Variants in ECE1 observed in about 807,000 individuals in gnomAD.
ECE1 encodes endothelin converting enzyme 1, also known as endothelin-converting enzyme 1.
Under a neutral mutation model 98.6 loss-of-function variants are expected in ECE1, and 35 were observed. The ratio of observed to expected loss-of-function variants is 0.35; its 90% CI spans 0.27 to 0.47. ECE1 has a LOEUF of 0.47. ECE1 is among the 20% of genes least tolerant of loss of function. The pLI is 1.00. For missense variants in ECE1, 814 were observed against 1,025.3 expected, an observed-to-expected ratio of 0.79 and a Z score of 2.81; for synonymous variants, 394 against 407.1, an observed-to-expected ratio of 0.97 and a Z score of 0.39.
intron 8 of ECE1, among the ~76,000 whole-genome samples, chr1:21,247,991 A>T (rs1428265040): frequency 6.6e-6 from 1 of 152,214 alleles, no homozygotes; most frequent in Non-Finnish European, 1.5e-5. Flanking sequence ...TTCTGTAAGT[A>T]ACATCAGTGA....
chr1:21,339,889 C>T (rs1639369838), intron 1 of ECE1, among the ~76,000 whole-genome samples: 1 of 152,200 alleles, frequency 6.6e-6, no homozygotes, highest in Admixed American at 6.5e-5. Flanking sequence ...CCCTCAGGGG[C>T]CCAAGGAAAG....
intron 1 of ECE1, among the ~76,000 whole-genome samples, chr1:21,344,720 G>C (rs1349401448): frequency 6.6e-6 from 1 of 152,202 alleles, no homozygotes; most frequent in Non-Finnish European, 1.5e-5. Flanking sequence ...CCCCTCCTCT[G>C]AGGACCCATC....
chr1:21,247,148 C>G, intron 9 of ECE1, 73 bp downstream of exon 9: 4 of 1,608,974 alleles, frequency 2.5e-6, no homozygotes, highest in Non-Finnish European at 3.4e-6. Flanking sequence ...CTGTCATCCC[C>G]ACCCCTGCCC....
intron 1 of ECE1, among the ~76,000 whole-genome samples, chr1:21,342,905 G>A (rs187493032): frequency 6.6e-5 from 10 of 152,144 alleles, no homozygotes; most frequent in Admixed American, 3.3e-4. Context: ...ACAATCCACC[G>A]TGGACTTCCT....
chr1:21,343,520 G>T (rs550813821), intron 1 of ECE1, among the ~76,000 whole-genome samples: 1 of 152,216 alleles, frequency 6.6e-6, no homozygotes. Flanking sequence ...ACTTCCCAGC[G>T]TGGGCTCAAG....
At chr1:21,304,315 C>CAAAA (rs71014183) in intron 1 of ECE1, among the ~76,000 whole-genome samples, 4 of 48,626 alleles carry the variant, frequency 8.2e-5, no homozygotes, top group East Asian at 1.6e-3. Flanking sequence ...GACTCCCTCT[C>CAAAA]AAAAAAAAAA....
At position 21,290,180 on chromosome 1, in the gene ECE1, A is replaced by T; in HGVS notation, c.52-24T>A. On this transcript the variant is annotated intron_variant, in intron 1 of 18. Coordinates refer to ENST00000374893, the MANE Select transcript of ECE1 (RefSeq NM_001397.3). This position sits in a 1 kb window ranked among gnomAD's most constrained non-coding sequence, Gnocchi z 7.3. ...ATCTGCAAGGCCAAATGCAGCACGG[A>T]CTCCCTCAGCGCCTCCATGGCTCTC... 2 of 1,530,198 alleles carry T rather than the reference A, an allele frequency of 1.3e-6. No homozygotes were observed. Among genetic ancestry groups the T allele is most frequent in the Admixed American group, 2.0e-5 (1 of 49,472 alleles). 94.8% of individuals were successfully genotyped at this position (1,530,198 alleles called of 1,614,324 possible).
intron 4 of ECE1, among the ~76,000 whole-genome samples, chr1:21,265,334 C>A (rs879845024): frequency 2.0e-5 from 3 of 152,090 alleles, no homozygotes; most frequent in African/African-American, 7.2e-5. Context: ...GAGTTTGAGA[C>A]CAGCCTGGCC....
intron 1 of ECE1, among the ~76,000 whole-genome samples, chr1:21,334,185 C>T (rs944089859): frequency 2.0e-5 from 3 of 152,174 alleles, no homozygotes; most frequent in Non-Finnish European, 4.4e-5. Flanking sequence ...GCTGTATAGC[C>T]TCAGGTAAGT....
In ECE1 at chr1:21,319,826, G is replaced by A. The variant is rs1203859836; in HGVS notation, c.3+25550C>T. 2.0e-5 allele frequency among the ~76,000 whole-genome samples: 3 copies of A among 152,074 alleles called. No homozygotes were observed. The highest frequency in any genetic ancestry group is 7.2e-5 in the African/African-American group (3 of 41,392). On this transcript the variant is annotated intron_variant, in intron 1 of 18. Coordinates refer to the ECE1 transcript ENST00000415912. This position sits in a 1 kb window ranked among gnomAD's most constrained non-coding sequence, Gnocchi z 4.4. ...TGAGACAGGCTGAACAAACACACGC[G>A]GTCCCATGGCTTCTAGTGCCAGCCC...
Position 21,258,292 on chromosome 1 carries a change from T to G in ECE1, c.762+401A>C, listed in dbSNP as rs2098222482. On this transcript the variant is annotated intron_variant, in intron 6 of 18. Coordinates refer to ENST00000374893, the MANE Select transcript of ECE1 (RefSeq NM_001397.3). The surrounding 1 kb of genome is among the most constrained non-coding windows in gnomAD (Gnocchi z 4.2). Reference sequence around the variant, plus strand: ...TGCATTGGAGGTTGGGGCAGACCAGTGCTGGAGCTCCCCTGGGCAGGCTGA... The same window carrying G: ...TGCATTGGAGGTTGGGGCAGACCAGGGCTGGAGCTCCCCTGGGCAGGCTGA... Among the ~76,000 whole-genome samples, 1 of 152,296 alleles carries G rather than the reference T, an allele frequency of 6.6e-6. No individual in the cohort carries two copies.
Position 21,232,488 on chromosome 1 carries a change from C to A in ECE1, c.1670+1070G>T, listed in dbSNP as rs12023473. ...TAATTTTAAAAATTTTTTGTAGAGACCACATCTCCCTATGTCGCCCAACCT... is the reference window on the plus strand; with the variant it reads ...TAATTTTAAAAATTTTTTGTAGAGAACACATCTCCCTATGTCGCCCAACCT... On this transcript the variant is annotated intron_variant, in intron 14 of 18. Transcript: ENST00000374893. 2.1e-3 allele frequency among the ~76,000 whole-genome samples: 312 copies of A among 151,648 alleles called. 6 individuals carry two copies. The East Asian group carries it at 0.053, about 26-fold the overall frequency.
intron 1 of ECE1, among the ~76,000 whole-genome samples, chr1:21,324,859 T>C (rs12062365): frequency 0.019 from 2,828 of 152,314 alleles, 89 homozygotes; most frequent in African/African-American, 0.064. Context: ...AAGTTGAACC[T>C]GATGCAGAAG....
chr1:21,300,681 C>T (rs1398089168), intron 1 of ECE1, among the ~76,000 whole-genome samples: 1 of 152,174 alleles, frequency 6.6e-6, no homozygotes, highest in Non-Finnish European at 1.5e-5. Context: ...AGTGATCTGC[C>T]CGCCTTGGCC....
intron 10 of ECE1, among the ~76,000 whole-genome samples, chr1:21,238,998 A>ATTT (rs71569823): frequency 7.0e-6 from 1 of 143,166 alleles, no homozygotes. Context: ...CTATTTAAAA[A>ATTT]TTTTTTTTTT....
intron 1 of ECE1, among the ~76,000 whole-genome samples, chr1:21,306,537 A>G (rs1479430470): frequency 6.6e-6 from 1 of 151,964 alleles, no homozygotes; most frequent in Non-Finnish European, 1.5e-5. Context: ...GCGTTTCACC[A>G]TGTTGGCCAG....
chr1:21,305,989 T>C (rs1231129587), intron 1 of ECE1, among the ~76,000 whole-genome samples: 2 of 152,238 alleles, frequency 1.3e-5, no homozygotes, highest in Admixed American at 6.5e-5. Context: ...GGCTGGGCCC[T>C]GAGCAAGCAG....
At chr1:21,288,924 G>T (rs1002081405) in intron 2 of ECE1, among the ~76,000 whole-genome samples, 6 of 152,176 alleles carry the variant, frequency 3.9e-5, no homozygotes, top group African/African-American at 1.4e-4. Flanking sequence ...GTTAAGCAGG[G>T]GTACCACACA....
Position 21,345,393 on chromosome 1 carries a change from G to T in ECE1, c.-15C>A. The T allele has an allele frequency of 5.2e-6, 7 of 1,337,146 alleles. No homozygotes were observed. The highest frequency in any genetic ancestry group is 6.8e-6 in the Non-Finnish European group (7 of 1,033,674). 82.8% of individuals were successfully genotyped at this position (1,337,146 alleles called of 1,614,324 possible). A position where few individuals can be genotyped will look rare whatever the true frequency, so the allele number is the denominator to read the frequency against. ...GCACTCACCATAGCTCGCGTGCTCC[G>T]CCCCGGCTTCGCGCAGCTCCCCGCG... On this transcript the variant is annotated 5_prime_UTR_variant, in exon 1 of 19. Transcript: ENST00000415912. This position sits in a 1 kb window ranked among gnomAD's most constrained non-coding sequence, Gnocchi z 5.1.
Sources: allele counts gnomAD v4.1 joint callset (sites outside exome capture counted in the v4.1 genomes callset), GRCh38; gene constraint gnomAD v4.1.1; non-coding constraint Gnocchi (gnomAD v3.1); transcripts MANE v1.5; gene names NCBI Gene and HGNC (gene_info 2026-07-23, HGNC 2026-07-21).